Variants in KIAA0040 observed in about 807,000 individuals in gnomAD.
The protein encoded by KIAA0040 is KIAA0040, also known as uncharacterized protein KIAA0040.
KIAA0040 carries 10 observed loss-of-function variants against 7.2 expected under a neutral mutation model. The observed-to-expected ratio is 1.38, with a 90% CI of 0.85 to 2.34. The LOEUF (loss-of-function observed/expected upper bound fraction) is 2.34, where lower values mean the gene tolerates loss of function less well. Ranked by LOEUF, KIAA0040 falls within the 30% of genes most tolerant of loss-of-function variation. The pLI, the probability that KIAA0040 is intolerant of heterozygous loss-of-function variation, is 0.00. For missense variants in KIAA0040, 89 were observed against 108.2 expected, an observed-to-expected ratio of 0.82 and a Z score of 0.79; for synonymous variants, 49 against 40.1, an observed-to-expected ratio of 1.22 and a Z score of -0.84.
chr1:175,182,844 C>T (rs1677491248), intron 1 of KIAA0040, among the ~76,000 whole-genome samples: 1 of 152,230 alleles, frequency 6.6e-6, no homozygotes, highest in African/African-American at 2.4e-5. Context: ...GCACAGAGCA[C>T]ATCTTCAGTG....
rs377523587 is a variant in KIAA0040, at chr1:175,166,673, G to C, written c.-245C>G. Reference sequence around the variant, plus strand: ...CCAGAACTGCTTTCCTGGAGGTCACGTTCAACGTAGTAAACAATCGCTGAA... The same window carrying C: ...CCAGAACTGCTTTCCTGGAGGTCACCTTCAACGTAGTAAACAATCGCTGAA... On this transcript the variant is annotated 5_prime_UTR_variant, in exon 3 of 4. Transcript: ENST00000423313. The C allele has an allele frequency of 6.6e-6, 1 of 152,120 alleles. No individual in the cohort carries two copies. Among genetic ancestry groups the C allele is most frequent in the Non-Finnish European group, 1.5e-5 (1 of 68,044 alleles). The allele number at this position is 152,120 out of a possible 1,614,324, so 9.4% of individuals were successfully genotyped here.
intron 1 of KIAA0040, among the ~76,000 whole-genome samples, chr1:175,183,814 TA>T (rs1677541488): frequency 6.6e-6 from 1 of 152,202 alleles, no homozygotes; most frequent in African/African-American, 2.4e-5. Flanking sequence ...GGCTTGCAGC[TA>T]GGTGCTTGCA....
chr1:175,163,803 G>C (rs1433509594), intron 3 of KIAA0040, among the ~76,000 whole-genome samples: 1 of 152,148 alleles, frequency 6.6e-6, no homozygotes, highest in Non-Finnish European at 1.5e-5. Flanking sequence ...TTTGTGCCAG[G>C]GGTTATGCTG....
intron 1 of KIAA0040, among the ~76,000 whole-genome samples, chr1:175,192,008 G>T (rs954382556): frequency 2.6e-5 from 4 of 152,102 alleles, no homozygotes; most frequent in Non-Finnish European, 5.9e-5. Context: ...GATGAATCCC[G>T]TAAAGCTCTT....
intron 1 of KIAA0040, among the ~76,000 whole-genome samples, chr1:175,182,280 C>T (rs1260669886): frequency 6.6e-6 from 1 of 152,194 alleles, no homozygotes; most frequent in East Asian, 1.9e-4. Flanking sequence ...TCTGCCTCCT[C>T]CCTGTCCCTC....
chr1:175,185,337 C>T (rs758944641), intron 1 of KIAA0040, among the ~76,000 whole-genome samples: 2 of 152,178 alleles, frequency 1.3e-5, no homozygotes, highest in African/African-American at 4.8e-5. Flanking sequence ...ATGTTATCCC[C>T]AGCACAGATA....
rs576756702 is a variant in KIAA0040, at chr1:175,168,635, T to C, written c.-309-1898A>G. On this transcript the variant is annotated intron_variant, in intron 2 of 3. Coordinates refer to ENST00000423313, the MANE Select transcript of KIAA0040 (RefSeq NM_014656.3). ...CTGGTTGATTACCTTACTTTATTGA[T>C]GGGAAATCTGGGACCAAAGAGACTG... Among the ~76,000 whole-genome samples the C allele has an allele frequency of 5.9e-5, 9 of 152,234 alleles. No individual in the cohort carries two copies. The South Asian group carries it at 1.7e-3, about 28-fold the overall frequency.
At chr1:175,167,767 A>G (rs1361945678) in intron 2 of KIAA0040, among the ~76,000 whole-genome samples, 1 of 152,056 alleles carries the variant, frequency 6.6e-6, no homozygotes, top group Non-Finnish European at 1.5e-5. Flanking sequence ...TCCAGCAGAT[A>G]TGGGTGGGAG....
chr1:175,160,880 A>G lies in KIAA0040; in HGVS notation c.134T>C (p.Phe45Ser). The part of the protein sequence containing the change: ...LPLLVIITLL[F>S]ICCHCCWSPP... ...GCTCCAGCAGCAATGGCAACAGATG[A>G]AGAGGAGTGTGATGATCACCAAGAG... The change falls in exon 4 of 4, where the codon TTC becomes TCC. Residue 45 changes from phenylalanine (F) to serine (S), a missense_variant. Physicochemically the swap from Phe to Ser is radical, Grantham distance 155. Coordinates refer to ENST00000423313, the MANE Select transcript of KIAA0040 (RefSeq NM_014656.3). 1 of 1,551,498 alleles carries G rather than the reference A, an allele frequency of 6.4e-7. No individual in the cohort carries two copies. Among genetic ancestry groups the G allele is most frequent in the Non-Finnish European group, 8.7e-7 (1 of 1,146,972 alleles).
chr1:175,157,820 C>G lies in KIAA0040; in HGVS notation c.*2894G>C, dbSNP rs1804094. The G allele has an allele frequency of 0.11, 16,275 of 152,162 alleles. 927 individuals are homozygous for G. The highest frequency in any genetic ancestry group is 0.13 in the African/African-American group (5,395 of 41,444). 9.4% of individuals were successfully genotyped at this position (152,162 alleles called of 1,614,324 possible). A position where few individuals can be genotyped will look rare whatever the true frequency, so the allele number is the denominator to read the frequency against. ...GTCCAGGCCTAGGGGATGTCTTTCTCGAGCCTGTGCTGGTCTAGGAAGCCT... is the reference window on the plus strand; with the variant it reads ...GTCCAGGCCTAGGGGATGTCTTTCTGGAGCCTGTGCTGGTCTAGGAAGCCT... On this transcript the variant is annotated 3_prime_UTR_variant, in exon 4 of 4. Transcript: ENST00000423313.
chr1:175,191,518 G>T (rs1312640429), intron 1 of KIAA0040, among the ~76,000 whole-genome samples: 1 of 152,220 alleles, frequency 6.6e-6, no homozygotes, highest in Admixed American at 6.5e-5. Flanking sequence ...CTGGGTGAAG[G>T]GCAGGCACAT....
intron 1 of KIAA0040, among the ~76,000 whole-genome samples, chr1:175,180,117 C>T (rs1677377300): frequency 6.6e-6 from 1 of 152,162 alleles, no homozygotes; most frequent in Non-Finnish European, 1.5e-5. Flanking sequence ...AACATTGTTG[C>T]CCTGGGGAAA....
Position 175,158,306 on chromosome 1 carries a change from A to G in KIAA0040, c.*2408T>C, listed in dbSNP as rs1209821474. 1 of 152,250 alleles carries G rather than the reference A, an allele frequency of 6.6e-6. No individual in the cohort carries two copies. The highest frequency in any genetic ancestry group is 6.5e-5 in the Admixed American group (1 of 15,288). The allele number at this position is 152,250 out of a possible 1,614,324, so 9.4% of individuals were successfully genotyped here. A position where few individuals can be genotyped will look rare whatever the true frequency, so the allele number is the denominator to read the frequency against. On this transcript the variant is annotated 3_prime_UTR_variant, in exon 4 of 4. Coordinates refer to ENST00000423313, the MANE Select transcript of KIAA0040 (RefSeq NM_014656.3). ...GGTGTTTCATCCCTGGGGTGAGAGCAAGTCCATTGGATTAGGAGACAGCAG... is the reference window on the plus strand; with the variant it reads ...GGTGTTTCATCCCTGGGGTGAGAGCGAGTCCATTGGATTAGGAGACAGCAG...
chr1:175,179,913 A>G (rs1677370294), intron 1 of KIAA0040, among the ~76,000 whole-genome samples: 1 of 152,224 alleles, frequency 6.6e-6, no homozygotes, highest in African/African-American at 2.4e-5. Context: ...TCTGCGCTAA[A>G]GTTACTCCTA....
rs998535929 is a variant in KIAA0040 at position 175,159,021 on chromosome 1, T to C, written c.*1693A>G. 1.3e-5 allele frequency: 2 copies of C among 152,234 alleles called. No homozygotes were observed. Among genetic ancestry groups the C allele is most frequent in the Non-Finnish European group, 2.9e-5 (2 of 68,042 alleles). 9.4% of individuals were successfully genotyped at this position (152,234 alleles called of 1,614,324 possible). On this transcript the variant is annotated 3_prime_UTR_variant, in exon 4 of 4. Transcript: ENST00000423313. The stretch of plus-strand genomic sequence containing the variant: ...TTTTGCTACTATAAATATCATAGTT[T>C]AGCTACATTATTAATTAGATAGCAA...
intron 1 of KIAA0040, among the ~76,000 whole-genome samples, chr1:175,184,658 A>T (rs1239944698): frequency 2.6e-5 from 4 of 152,236 alleles, no homozygotes; most frequent in Admixed American, 1.3e-4. Flanking sequence ...TGTGTGCCAG[A>T]CACTGTGCAC....
Position 175,184,120 on chromosome 1 carries a change from G to C in KIAA0040, c.-383-6436C>G, listed in dbSNP as rs187021123. Among the ~76,000 whole-genome samples the C allele has an allele frequency of 3.3e-5, 5 of 152,302 alleles. No individual in the cohort carries two copies. The East Asian group carries it at 9.6e-4, about 29-fold the overall frequency. ...CACCCTGACAGTGCCTGGGAGACAGGAGTGAGAATTACCAACTGGAGAGAG... is the reference window on the plus strand; with the variant it reads ...CACCCTGACAGTGCCTGGGAGACAGCAGTGAGAATTACCAACTGGAGAGAG... On this transcript the variant is annotated intron_variant, in intron 1 of 3. Transcript: ENST00000423313.
chr1:175,186,309 ATGT>A (rs1440692489), intron 1 of KIAA0040, among the ~76,000 whole-genome samples: 1 of 152,218 alleles, frequency 6.6e-6, no homozygotes, highest in Non-Finnish European at 1.5e-5. Flanking sequence ...GAAATATAAA[ATGT>A]TGTCTGTGAT....
Position 175,160,981 on chromosome 1 carries a change from G to A in KIAA0040, c.33C>T (p.Ile11=), listed in dbSNP as rs1676518367. Residue 11 remains isoleucine, a synonymous_variant, in exon 4 of 4, where the codon ATC becomes ATT. Transcript: ENST00000423313. MERISAFFSS[I]WDTILTKHQE... The stretch of plus-strand genomic sequence containing the variant: ...GGTGTTTGGTCAAGATGGTGTCCCA[G>A]ATAGAGCTGAAGAAGGCACTGATTC... 2.6e-6 allele frequency: 4 copies of A among 1,551,290 alleles called. No homozygotes were observed. Among genetic ancestry groups the A allele is most frequent in the Non-Finnish European group, 2.6e-6 (3 of 1,146,984 alleles).
Sources: allele counts gnomAD v4.1 joint callset (sites outside exome capture counted in the v4.1 genomes callset), GRCh38; gene constraint gnomAD v4.1.1; transcripts MANE v1.5; gene names NCBI Gene and HGNC (gene_info 2026-07-23, HGNC 2026-07-21).